The following POLN variants were observed in gnomAD, a reference collection of about 807,000 sequenced individuals.
POLN encodes the protein DNA polymerase nu, also known as DNA polymerase N.
POLN carries 108 observed loss-of-function variants against 113.5 expected under a neutral mutation model. The observed-to-expected ratio is 0.95, with a 90% CI of 0.81 to 1.12. POLN has a LOEUF of 1.12. Among genes scored for constraint, POLN ranks in the 50% most tolerant of loss-of-function variants. POLN has a pLI of 0.00. For synonymous variants in POLN, 386 were observed against 391.5 expected, an observed-to-expected ratio of 0.99 and a Z score of 0.17; for missense variants, 1,097 against 1,077.1, an observed-to-expected ratio of 1.02 and a Z score of -0.26.
At chr4:2,091,369 G>A (rs960813302) in intron 20 of POLN, among the ~76,000 whole-genome samples, 6 of 152,134 alleles carry the variant, frequency 3.9e-5, no homozygotes. Flanking sequence ...CAAGAGAGCG[G>A]ACGGTGTGGT....
intron 19 of POLN, among the ~76,000 whole-genome samples, chr4:2,108,253 A>C (rs554586063): frequency 2.0e-4 from 31 of 152,294 alleles, no homozygotes; most frequent in African/African-American, 6.3e-4. Context: ...ATCAGACTGT[A>C]TGGGTAAGGA....
rs79749677 is a variant in POLN at position 2,135,663 on chromosome 4, G to A, written c.1732-4373C>T. 4.1e-3 allele frequency among the ~76,000 whole-genome samples: 622 copies of A among 152,318 alleles called. 14 individuals are homozygous for A. The East Asian group carries it at 0.046, about 11-fold the overall frequency. On this transcript the variant is annotated intron_variant, in intron 16 of 25. Transcript: ENST00000511885. Reference sequence around the variant, plus strand: ...GGGAAGCGACAACTAACAAGAGTCCGAACATCTGGGAGGAAGCTGGGTCCC... The same window carrying A: ...GGGAAGCGACAACTAACAAGAGTCCAAACATCTGGGAGGAAGCTGGGTCCC...
At chr4:2,234,175 G>A (rs1423368833) in intron 2 of POLN, 1 of 152,180 alleles carries the variant, frequency 6.6e-6, no homozygotes, top group Non-Finnish European at 1.5e-5. Flanking sequence ...TATTTAGAGA[G>A]TAAAAATGTT....
intron 23 of POLN, among the ~76,000 whole-genome samples, chr4:2,077,498 C>T (rs563572956): frequency 1.8e-4 from 27 of 152,336 alleles, no homozygotes; most frequent in East Asian, 3.9e-4. Flanking sequence ...GGCCAGGGGC[C>T]GTGGGCACTG....
chr4:2,150,112 A>C (rs368890223), intron 16 of POLN, among the ~76,000 whole-genome samples: 17 of 152,090 alleles, frequency 1.1e-4, no homozygotes, highest in Non-Finnish European at 2.4e-4. Context: ...AAAAACAAAA[A>C]ACAAAACAAA....
At chr4:2,134,705 C>T (rs920663050) in intron 16 of POLN, among the ~76,000 whole-genome samples, 5 of 152,178 alleles carry the variant, frequency 3.3e-5, no homozygotes, top group African/African-American at 1.2e-4. Context: ...CCTAATTAAG[C>T]AGGCTGGGGG....
intron 16 of POLN, among the ~76,000 whole-genome samples, chr4:2,133,177 A>G (rs1731770308): frequency 6.6e-6 from 1 of 151,382 alleles, no homozygotes; most frequent in African/African-American, 2.4e-5. Flanking sequence ...CATGCTGTCA[A>G]TAATGCAAAG....
At chr4:2,186,676 C>CA (rs897914135) in intron 7 of POLN, among the ~76,000 whole-genome samples, 9 of 152,000 alleles carry the variant, frequency 5.9e-5, no homozygotes. Context: ...AAGATTGGAA[C>CA]AAAAAAACGA....
At chr4:2,228,087 T>C (rs555328734) in intron 3 of POLN, 1 of 153,222 alleles carries the variant, frequency 6.5e-6, no homozygotes, top group South Asian at 1.9e-4. Flanking sequence ...ATAAGAGCTT[T>C]TGTGCTAATA....
chr4:2,212,648 C>A (rs1299594484), intron 4 of POLN, among the ~76,000 whole-genome samples: 1 of 151,934 alleles, frequency 6.6e-6, no homozygotes, highest in Non-Finnish European at 1.5e-5. Flanking sequence ...AGCTTCCCAA[C>A]GTGCTGGGAT....
intron 16 of POLN, among the ~76,000 whole-genome samples, chr4:2,139,492 G>A (rs1002967919): frequency 6.6e-6 from 1 of 152,226 alleles, no homozygotes; most frequent in African/African-American, 2.4e-5. Context: ...AACCTGCTCT[G>A]CATATGTCCC....
At chr4:2,134,619 C>T (rs866657405) in intron 16 of POLN, among the ~76,000 whole-genome samples, 3 of 152,148 alleles carry the variant, frequency 2.0e-5, no homozygotes, top group Admixed American at 1.3e-4. Flanking sequence ...TTTGATACCA[C>T]GACTTCTCCT....
intron 2 of POLN, chr4:2,240,270 A>G: frequency 8.1e-6 from 13 of 1,613,806 alleles, no homozygotes; most frequent in Non-Finnish European, 1.0e-5. Flanking sequence ...TACTTCATGT[A>G]TACCCTGAAA....
intron 2 of POLN, among the ~76,000 whole-genome samples, chr4:2,233,937 C>T (rs1331004517): frequency 6.6e-6 from 1 of 151,906 alleles, no homozygotes. Context: ...GTGTATATAC[C>T]ACCCTGGCAC....
chr4:2,192,890 T>C (rs1380400191), intron 7 of POLN, among the ~76,000 whole-genome samples: 1 of 151,912 alleles, frequency 6.6e-6, no homozygotes, highest in African/African-American at 2.4e-5. Context: ...TTAATTACTC[T>C]GGACTGTAGT....
intron 4 of POLN, among the ~76,000 whole-genome samples, chr4:2,211,298 TAAG>T (rs1258514660): frequency 6.3e-5 from 9 of 143,334 alleles, no homozygotes; most frequent in South Asian, 2.2e-4. Context: ...ATAATAATAA[TAAG>T]AGGATTGTGG....
intron 7 of POLN, among the ~76,000 whole-genome samples, chr4:2,182,240 C>CT (rs1733160958): frequency 6.6e-6 from 1 of 152,106 alleles, no homozygotes; most frequent in Non-Finnish European, 1.5e-5. Flanking sequence ...AGAATGGGAA[C>CT]TTATTTGAAA....
chr4:2,173,508 C>CACA (rs33977254), intron 11 of POLN, among the ~76,000 whole-genome samples: 1 of 149,010 alleles, frequency 6.7e-6, no homozygotes, highest in Non-Finnish European at 1.5e-5. Flanking sequence ...TCATCTTTGC[C>CACA]CCGCCCCGCC....
intron 6 of POLN, among the ~76,000 whole-genome samples, chr4:2,196,127 A>G (rs1332936030): frequency 6.6e-6 from 1 of 152,184 alleles, no homozygotes; most frequent in African/African-American, 2.4e-5. Context: ...AAAAAATCGA[A>G]TATTTTTTAG....
Sources: gnomAD v4.1 joint callset for allele counts (sites outside exome capture counted in the v4.1 genomes callset) on GRCh38, gnomAD v4.1.1 for gene constraint, MANE v1.5 for transcripts, NCBI Gene and HGNC (gene_info 2026-07-23, HGNC 2026-07-21) for gene names.